Variants in PSMD1 observed in about 807,000 individuals in gnomAD.
The protein encoded by PSMD1 is proteasome 26S subunit, non-ATPase 1.
In PSMD1, 18 loss-of-function variants were observed where a neutral mutation model predicts 119.0. The observed-to-expected ratio is 0.15, with a 90% CI of 0.10 to 0.22. The LOEUF is 0.22. PSMD1 is among the 10% of genes least tolerant of loss of function. The probability of loss-of-function intolerance (pLI) is 1.00; values close to 1 mark genes in which losing one functional copy is unlikely to be tolerated. For synonymous variants in PSMD1, 374 were observed against 396.6 expected (o/e 0.94, Z 0.68); for missense variants, 702 against 1,158.5 (o/e 0.61, Z 5.72).
intron 23 of PSMD1, among the ~76,000 whole-genome samples, chr2:231,167,230 C>T (rs1696806301): frequency 6.7e-6 from 1 of 149,952 alleles, no homozygotes; most frequent in Admixed American, 6.6e-5. Flanking sequence ...ATCTCGGTGG[C>T]GGTTTTACAG....
At chr2:231,084,937 G>T (rs937806267) in intron 14 of PSMD1, 82 bp from the exon 15 acceptor site, 1 of 1,095,248 alleles carries the variant, frequency 9.1e-7, no homozygotes, top group Admixed American at 1.8e-5. Context: ...AGCTTACTTG[G>T]TGGATGCCAC....
At chr2:231,157,229 T>C (rs1382366416) in intron 19 of PSMD1, among the ~76,000 whole-genome samples, 2 of 151,916 alleles carry the variant, frequency 1.3e-5, no homozygotes, top group Non-Finnish European at 2.9e-5. Flanking sequence ...GCACACTACC[T>C]GTAGGGTAGC....
intron 18 of PSMD1, among the ~76,000 whole-genome samples, chr2:231,148,413 C>A (rs1178911002): frequency 3.9e-5 from 6 of 152,210 alleles, no homozygotes; most frequent in Non-Finnish European, 8.8e-5. Context: ...CAATTATAAT[C>A]TCTGTTCCAA....
At chr2:231,123,734 G>A (rs1695638178) in intron 16 of PSMD1, 1 of 1,613,966 alleles carries the variant, frequency 6.2e-7, no homozygotes, top group South Asian at 1.1e-5. Flanking sequence ...ATTGTGCTTT[G>A]AAGTTCAGAC....
intron 16 of PSMD1, chr2:231,108,634 C>G (rs758025130): frequency 6.2e-7 from 1 of 1,614,018 alleles, no homozygotes; most frequent in South Asian, 1.1e-5. Flanking sequence ...TCATTGGACT[C>G]TGGTACATGG....
Position 231,165,854 on chromosome 2 carries a change from T to A in PSMD1, c.2569-17T>A, listed in dbSNP as rs1487928914. 6.4e-6 allele frequency: 10 copies of A among 1,562,940 alleles called. No homozygotes were observed. The highest frequency in any genetic ancestry group is 2.3e-5 in the East Asian group (1 of 43,128). ...AAATGAACTTCTGTTGAACTTTTTT[T>A]AAATTTTATTTTATAGGATGAGGCA... On this transcript the variant is annotated splice_polypyrimidine_tract_variant and intron_variant, in intron 22 of 24. Coordinates refer to ENST00000308696, the MANE Select transcript of PSMD1 (RefSeq NM_002807.4).
chr2:231,134,652 A>G (rs963425738), intron 16 of PSMD1, among the ~76,000 whole-genome samples: 4 of 152,154 alleles, frequency 2.6e-5, no homozygotes, highest in African/African-American at 9.7e-5. Context: ...TGGTTTTTCT[A>G]CCTACTTTTC....
Position 231,170,571 on chromosome 2 carries a change from T to C in PSMD1, c.2721T>C (p.Ser907=), listed in dbSNP as rs1319242208. The C allele has an allele frequency of 6.2e-7, 1 of 1,612,940 alleles. No individual in the cohort carries two copies. The highest frequency in any genetic ancestry group is 8.5e-7 in the Non-Finnish European group (1 of 1,179,584). ...GCACGCCCCTGTGTTTCCAGCTCTC[T>C]ATTGGAGGCATCATCATTCTGAAGG... is the stretch of plus-strand genomic sequence containing the variant. The part of the protein sequence containing the change: ...TCRYQPFKPL[S]IGGIIILKDT... The change falls in exon 24 of 25, where the codon TCT becomes TCC. Residue 907 remains serine, a synonymous_variant. Coordinates refer to ENST00000308696, the MANE Select transcript of PSMD1 (RefSeq NM_002807.4). The surrounding 1 kb of genome is among the most constrained non-coding windows in gnomAD (Gnocchi z 4.1).
At chr2:231,098,810 C>A (rs1694793612) in intron 16 of PSMD1, among the ~76,000 whole-genome samples, 1 of 152,134 alleles carries the variant, frequency 6.6e-6, no homozygotes, top group South Asian at 2.1e-4. Flanking sequence ...GTTTAAGCAC[C>A]TTTTTAAAAT....
At position 231,080,828 on chromosome 2, in the gene PSMD1, G is replaced by GCC. The variant is rs368774620; in HGVS notation, c.1413+516_1413+517dup. On this transcript the variant is annotated intron_variant, in intron 12 of 24. Coordinates refer to ENST00000308696, the MANE Select transcript of PSMD1 (RefSeq NM_002807.4). ...GTAGTTAAGTGAGCCAGAAAACCTT[G>GCC]CCCTCATGCATAAGTGAAAAGATTG... 8.7e-4 allele frequency among the ~76,000 whole-genome samples: 133 copies of GCC among 152,212 alleles called. 1 individual carries two copies. Among genetic ancestry groups the GCC allele is most frequent in the African/African-American group, 3.0e-3 (123 of 41,532 alleles).
chr2:231,090,130 T>G (rs761201992), intron 16 of PSMD1, among the ~76,000 whole-genome samples: 6 of 152,244 alleles, frequency 3.9e-5, no homozygotes, highest in Admixed American at 2.6e-4. Flanking sequence ...CTGATGGAGT[T>G]GTACAAGGAG....
At chr2:231,062,996 T>TGTGCTAGGCACC (rs1386710777) in intron 4 of PSMD1, among the ~76,000 whole-genome samples, 1 of 152,238 alleles carries the variant, frequency 6.6e-6, no homozygotes, top group African/African-American at 2.4e-5. Flanking sequence ...GTATCTGCAT[T>TGTGCTAGGCACC]GTGCTAGGCA....
At chr2:231,117,116 ATTAAT>A (rs1695370082) in intron 16 of PSMD1, among the ~76,000 whole-genome samples, 2 of 152,064 alleles carry the variant, frequency 1.3e-5, no homozygotes, top group Admixed American at 6.5e-5. Flanking sequence ...TTTAGTTAGT[ATTAAT>A]TTAGCTCAAA....
At chr2:231,097,405 T>C (rs1157893518) in intron 16 of PSMD1, among the ~76,000 whole-genome samples, 2 of 152,228 alleles carry the variant, frequency 1.3e-5, no homozygotes, top group Non-Finnish European at 2.9e-5. Context: ...AGTGCCTTTG[T>C]TATACTTCCA....
intron 16 of PSMD1, among the ~76,000 whole-genome samples, chr2:231,129,420 C>T (rs1231172185): frequency 1.3e-5 from 2 of 152,166 alleles, no homozygotes; most frequent in Admixed American, 1.3e-4. Context: ...TTGTATAAGG[C>T]TTGTGACTCT....
intron 9 of PSMD1, 38 bp downstream of exon 9, chr2:231,077,200 A>G: frequency 3.0e-6 from 4 of 1,329,506 alleles, no homozygotes; most frequent in Non-Finnish European, 4.0e-6. Flanking sequence ...TTTAAAAAAT[A>G]TTTAGTTCTT....
In PSMD1 at chr2:231,090,312, G is replaced by A. The variant is rs114430691; in HGVS notation, c.1883+3131G>A. Among the ~76,000 whole-genome samples the A allele has an allele frequency of 4.6e-3, 696 of 152,286 alleles. 6 individuals carry two copies. The highest frequency in any genetic ancestry group is 0.016 in the African/African-American group (674 of 41,564). ...AATCCCAGCACTTTGGGAAGCCAACGCGGCAGATCACCCAAGATCAGGAGT... is the reference window on the plus strand; with the variant it reads ...AATCCCAGCACTTTGGGAAGCCAACACGGCAGATCACCCAAGATCAGGAGT... On this transcript the variant is annotated intron_variant, in intron 16 of 24. Transcript: ENST00000308696.
intron 16 of PSMD1, among the ~76,000 whole-genome samples, chr2:231,131,578 C>T (rs1695853883): frequency 1.7e-5 from 1 of 60,256 alleles, no homozygotes; most frequent in Non-Finnish European, 2.6e-5. Flanking sequence ...CCGGCTAAAA[C>T]GGTGAAACCC....
chr2:231,082,692 C>T (rs1466934450), intron 12 of PSMD1, among the ~76,000 whole-genome samples, 191 bp from the exon 13 acceptor site: 2 of 152,152 alleles, frequency 1.3e-5, no homozygotes, highest in African/African-American at 4.8e-5. Flanking sequence ...GCGACAAGAG[C>T]GAAACTACGT....
Sources: allele counts gnomAD v4.1 joint callset (sites outside exome capture counted in the v4.1 genomes callset), GRCh38; gene constraint gnomAD v4.1.1; non-coding constraint Gnocchi (gnomAD v3.1); transcripts MANE v1.5; gene names NCBI Gene and HGNC (gene_info 2026-07-23, HGNC 2026-07-21).